Variants in ADARB1 observed in about 807,000 individuals in gnomAD.
The protein encoded by ADARB1 is double-stranded RNA-specific editase 1.
ADARB1 carries 10 observed loss-of-function variants against 52.4 expected under a neutral mutation model. The ratio of observed to expected loss-of-function variants is 0.19; its 90% confidence interval spans 0.12 to 0.32. The LOEUF (loss-of-function observed/expected upper bound fraction) is 0.32, where lower values mean the gene tolerates loss of function less well. Among genes scored for constraint, ADARB1 ranks in the 10% least tolerant of loss-of-function variants. The pLI is 1.00. For missense variants in ADARB1, 643 were observed against 922.3 expected (o/e 0.70, Z 3.92); for synonymous variants, 349 against 371.1 (o/e 0.94, Z 0.68).
chr21:45,184,594 G>A, intron 7 of ADARB1: 1 of 334,982 alleles, frequency 3.0e-6, no homozygotes, highest in African/African-American at 2.2e-5. Flanking sequence ...GGGACTACAG[G>A]CATGTACCAC....
chr21:45,202,282 TCTG>T (rs1347381166), intron 8 of ADARB1, among the ~76,000 whole-genome samples: 1 of 152,144 alleles, frequency 6.6e-6, no homozygotes, highest in East Asian at 1.9e-4. Flanking sequence ...TCCCAGGTGA[TCTG>T]CTGATGACTG....
intron 1 of ADARB1, among the ~76,000 whole-genome samples, chr21:45,112,775 A>G (rs534129697): frequency 2.6e-5 from 4 of 152,226 alleles, no homozygotes; most frequent in East Asian, 1.9e-4. Flanking sequence ...AGGGCCTGCA[A>G]TTATTAATGA....
At chr21:45,126,208 T>C (rs1019428187) in intron 1 of ADARB1, among the ~76,000 whole-genome samples, 2 of 152,186 alleles carry the variant, frequency 1.3e-5, no homozygotes, top group Non-Finnish European at 2.9e-5. Context: ...ACCTGAAATA[T>C]GTTGAGATTT....
chr21:45,199,354 C>T (rs2092498858), intron 8 of ADARB1, among the ~76,000 whole-genome samples: 1 of 152,170 alleles, frequency 6.6e-6, no homozygotes, highest in Admixed American at 6.5e-5. Context: ...GCACAGGGCT[C>T]CACTCGCTAT....
chr21:45,136,313 G>C (rs1404655864), intron 2 of ADARB1, among the ~76,000 whole-genome samples: 1 of 152,160 alleles, frequency 6.6e-6, no homozygotes, highest in East Asian at 1.9e-4. Flanking sequence ...GGGAGACCCT[G>C]CTCTTAAAAA....
rs1303138470 is a variant in ADARB1 at position 45,225,980 on chromosome 21, C to G, written c.*3783C>G. The G allele has an allele frequency of 6.1e-6, 1 of 164,470 alleles. No individual in the cohort carries two copies. Among genetic ancestry groups the G allele is most frequent in the Admixed American group, 6.4e-5 (1 of 15,622 alleles). The allele number at this position is 164,470 out of a possible 1,614,324, so 10.2% of individuals were successfully genotyped here. On this transcript the variant is annotated 3_prime_UTR_variant, in exon 11 of 11. Transcript: ENST00000348831. ...GTGAGTTCTAGTGTTCACTTGATGC[C>G]GGGGAATAGAATTAGAGAAAACTCT...
At chr21:45,191,880 A>ATATAT (rs1601874792) in intron 8 of ADARB1, among the ~76,000 whole-genome samples, 3 of 15,740 alleles carry the variant, frequency 1.9e-4, no homozygotes, top group Non-Finnish European at 4.4e-4. Context: ...ATATATATAT[A>ATATAT]TTTTTTTTTT....
At chr21:45,134,228 G>A (rs1367339327) in intron 2 of ADARB1, among the ~76,000 whole-genome samples, 1 of 13,296 alleles carries the variant, frequency 7.5e-5, no homozygotes, top group Non-Finnish European at 1.8e-4. Flanking sequence ...TGGTGTGTGC[G>A]CCCGCCGGGT....
In ADARB1 at chr21:45,176,767, C is replaced by A; in HGVS notation, c.963+103C>A. 8.0e-7 allele frequency: 1 copy of A among 1,250,052 alleles called. No individual in the cohort carries two copies. The highest frequency in any genetic ancestry group is 1.1e-6 in the Non-Finnish European group (1 of 917,226). 77.4% of individuals were successfully genotyped at this position (1,250,052 alleles called of 1,614,324 possible). Reference sequence around the variant, plus strand: ...GATTACTGTTGACTTTCCACCTTGACATCACTCTGTCCCCACCAGGAGGAG... The same window carrying A: ...GATTACTGTTGACTTTCCACCTTGAAATCACTCTGTCCCCACCAGGAGGAG... On this transcript the variant is annotated intron_variant, in intron 4 of 10. Transcript: ENST00000348831. The surrounding 1 kb of genome is among the most constrained non-coding windows in gnomAD (Gnocchi z 5.8).
chr21:45,152,670 G>A (rs575718547), intron 2 of ADARB1: 3 of 449,946 alleles, frequency 6.7e-6, no homozygotes, highest in Admixed American at 2.4e-5. Context: ...ATGGGGCGTC[G>A]GTATAAAAGG....
At chr21:45,124,182 A>G (rs2088405172) in intron 1 of ADARB1, among the ~76,000 whole-genome samples, 2 of 152,218 alleles carry the variant, frequency 1.3e-5, no homozygotes, top group Non-Finnish European at 2.9e-5. Flanking sequence ...CATTTTGTAT[A>G]CGATGTTTAC....
rs1331186359 is a variant in ADARB1 at position 45,185,014 on chromosome 21, T to A, written c.1488T>A (p.Asn496Lys). The A allele has an allele frequency of 1.9e-6, 3 of 1,614,052 alleles. No homozygotes were observed. The highest frequency in any genetic ancestry group is 2.5e-6 in the Non-Finnish European group (3 of 1,180,030). ...SGEGTIPVRS[N>K]ASIQTWDGVL... Reference sequence around the variant, plus strand: ...AGGGGACGATTCCAGTGCGCTCCAATGCGAGCATCCAAACGTGGGACGGGG... The same window carrying A: ...AGGGGACGATTCCAGTGCGCTCCAAAGCGAGCATCCAAACGTGGGACGGGG... Residue 496 changes from asparagine (N) to lysine (K), a missense_variant, in exon 8 of 11, where the codon AAT (asparagine) becomes AAA (lysine). This residue lies in a region of ADARB1 where 263 missense variants were observed against 475.8 expected (regional missense o/e 0.55). Transcript: ENST00000348831.
intron 9 of ADARB1, among the ~76,000 whole-genome samples, chr21:45,218,884 A>G (rs1038992374): frequency 1.3e-5 from 2 of 152,154 alleles, no homozygotes; most frequent in Admixed American, 1.3e-4. Flanking sequence ...TGTTCTAAGC[A>G]TGTTCTAAAG....
At chr21:45,217,749 C>G (rs941005703) in intron 9 of ADARB1, among the ~76,000 whole-genome samples, 2 of 152,090 alleles carry the variant, frequency 1.3e-5, no homozygotes, top group Non-Finnish European at 2.9e-5. Context: ...CACAAGTCTT[C>G]TGATGATGAA....
In ADARB1 at chr21:45,176,670, G is replaced by A; in HGVS notation, c.963+6G>A. On this transcript the variant is annotated splice_donor_region_variant and intron_variant, in intron 4 of 10. Transcript: ENST00000348831. This position sits in a 1 kb window ranked among gnomAD's most constrained non-coding sequence, Gnocchi z 5.8. ...TTCAGCTGCATTTACCGCAGGTGAGGAACTATGCTGCTGCTTTAAAACACG... is the reference window on the plus strand; with the variant it reads ...TTCAGCTGCATTTACCGCAGGTGAGAAACTATGCTGCTGCTTTAAAACACG... 1 of 1,594,302 alleles carries A rather than the reference G, an allele frequency of 6.3e-7. No homozygotes were observed. Among genetic ancestry groups the A allele is most frequent in the Non-Finnish European group, 8.5e-7 (1 of 1,170,308 alleles).
intron 2 of ADARB1, among the ~76,000 whole-genome samples, chr21:45,158,481 TA>T (rs1207863161): frequency 1.3e-5 from 2 of 152,216 alleles, no homozygotes; most frequent in Non-Finnish European, 2.9e-5. Context: ...TAGGATGGAA[TA>T]AATGCCTTAG....
At chr21:45,094,674 T>C (rs1389784845) in intron 1 of ADARB1, among the ~76,000 whole-genome samples, 6 of 152,098 alleles carry the variant, frequency 3.9e-5, no homozygotes, top group Non-Finnish European at 8.8e-5. Flanking sequence ...CTGGTGGGCT[T>C]CCTGTCCACA....
intron 1 of ADARB1, among the ~76,000 whole-genome samples, chr21:45,123,320 T>G (rs1460952772): frequency 6.6e-6 from 1 of 152,154 alleles, no homozygotes; most frequent in Admixed American, 6.5e-5. Context: ...TATTATTATT[T>G]TGAGACAATG....
intron 1 of ADARB1, among the ~76,000 whole-genome samples, chr21:45,096,108 A>G (rs1241226829): frequency 6.6e-6 from 1 of 152,184 alleles, no homozygotes; most frequent in African/African-American, 2.4e-5. Context: ...AATTAGACAA[A>G]CTTCCCACCT....
Sources: gnomAD v4.1 joint callset for allele counts (sites outside exome capture counted in the v4.1 genomes callset) on GRCh38, gnomAD v4.1.1 for gene constraint, gnomAD v4.1.1 regional missense constraint, Gnocchi (gnomAD v3.1) non-coding constraint, MANE v1.5 for transcripts, NCBI Gene and HGNC (gene_info 2026-07-23, HGNC 2026-07-21) for gene names.